Variants in NALCN observed in about 807,000 individuals in gnomAD.
The protein encoded by NALCN is sodium leak channel, non-selective.
NALCN carries 111 observed loss-of-function variants against 225.3 expected under a neutral mutation model. The observed-to-expected ratio is 0.49, with a 90% CI of 0.42 to 0.58. The LOEUF (loss-of-function observed/expected upper bound fraction) is 0.58. Among genes scored for constraint, NALCN ranks in the 20% least tolerant of loss-of-function variants. NALCN has a pLI of 0.00. For synonymous variants in NALCN, 764 were observed against 769.0 expected (o/e 0.99, Z 0.11); for missense variants, 1,378 against 2,202.4 (o/e 0.63, Z 7.49).
chr13:101,242,755 G>T (rs146511115), intron 11 of NALCN, among the ~76,000 whole-genome samples: 1,308 of 105,750 alleles, frequency 0.012, 419 homozygotes, highest in African/African-American at 0.041. Flanking sequence ...AATACAAAGG[G>T]TTTTATGCTC....
intron 15 of NALCN, among the ~76,000 whole-genome samples, chr13:101,172,601 C>T (rs1353292446): frequency 6.6e-6 from 1 of 152,158 alleles, no homozygotes; most frequent in Admixed American, 6.5e-5. Flanking sequence ...GCTCTGTCAC[C>T]CAGGCTGGAG....
intron 16 of NALCN, 77 bp downstream of exon 16, chr13:101,144,682 GA>G: frequency 6.9e-7 from 1 of 1,456,094 alleles, no homozygotes; most frequent in Non-Finnish European, 9.2e-7. Flanking sequence ...ATACTTAAAA[GA>G]AGGGTTAAAT....
At chr13:101,245,708 T>C (rs2041874168) in intron 11 of NALCN, among the ~76,000 whole-genome samples, 1 of 137,036 alleles carries the variant, frequency 7.3e-6, no homozygotes, top group East Asian at 2.0e-4. Context: ...CCTAAGTCCA[T>C]TTCACACTGA....
intron 6 of NALCN, among the ~76,000 whole-genome samples, chr13:101,360,145 T>TC (rs374859323): frequency 0.02 from 2,936 of 148,144 alleles, 119 homozygotes; most frequent in African/African-American, 0.073. Flanking sequence ...TCTTTCTCTC[T>TC]TTTTTTCTTT....
intron 11 of NALCN, among the ~76,000 whole-genome samples, chr13:101,246,210 C>A (rs1342922510): frequency 6.6e-6 from 1 of 152,176 alleles, no homozygotes; most frequent in Non-Finnish European, 1.5e-5. Context: ...TTTAACTAAT[C>A]TCGTAAACAC....
At chr13:101,355,387 G>A (rs2046025390) in intron 6 of NALCN, among the ~76,000 whole-genome samples, 1 of 149,230 alleles carries the variant, frequency 6.7e-6, no homozygotes, top group Admixed American at 6.6e-5. Flanking sequence ...AAAAAAATCA[G>A]GGGTTGCAAT....
chr13:101,255,133 T>C (rs1391519479), intron 11 of NALCN, among the ~76,000 whole-genome samples: 2 of 152,030 alleles, frequency 1.3e-5, no homozygotes, highest in African/African-American at 2.4e-5. Context: ...TGTCTGTCTG[T>C]TGTTGAGGTT....
intron 10 of NALCN, among the ~76,000 whole-genome samples, chr13:101,259,675 T>C (rs994692589): frequency 3.3e-5 from 5 of 149,834 alleles, no homozygotes; most frequent in African/African-American, 9.8e-5. Flanking sequence ...ATTAAACGGT[T>C]ACTATGTTCC....
intron 9 of NALCN, among the ~76,000 whole-genome samples, chr13:101,290,567 A>G (rs2043515669): frequency 6.6e-6 from 1 of 152,192 alleles, no homozygotes; most frequent in Admixed American, 6.5e-5. Flanking sequence ...CCTTTCATGG[A>G]AGTTTGAACA....
At chr13:101,412,993 ATT>A (rs2139564753) in intron 1 of NALCN, among the ~76,000 whole-genome samples, 1 of 152,232 alleles carries the variant, frequency 6.6e-6, no homozygotes, top group East Asian at 1.9e-4. Context: ...TTTTCAGGTG[ATT>A]TTTGTAAAGG....
chr13:101,276,005 A>G lies in NALCN; in HGVS notation c.1134+7928T>C, dbSNP rs571914030. Among the ~76,000 whole-genome samples, 3 of 138,466 alleles carry G rather than the reference A, an allele frequency of 2.2e-5. 1 individual carries two copies. Among genetic ancestry groups the G allele is most frequent in the African/African-American group, 7.9e-5 (3 of 37,988 alleles). 90.8% of individuals were successfully genotyped at this position (138,466 alleles called of 152,430 possible). A position where few individuals can be genotyped will look rare whatever the true frequency, so the allele number is the denominator to read the frequency against. ...CTTGAACCTGGGAGGTAGAGGTTGC[A>G]GTGAGCCGAGATCGCACCAATGCAC... is the stretch of plus-strand genomic sequence containing the variant. On this transcript the variant is annotated intron_variant, in intron 10 of 43. Transcript: ENST00000251127.
chr13:101,144,321 T>C (rs530614246), intron 16 of NALCN, among the ~76,000 whole-genome samples: 1 of 152,328 alleles, frequency 6.6e-6, no homozygotes, highest in Non-Finnish European at 1.5e-5. Flanking sequence ...ATAAACACTG[T>C]AGTAGTACAC....
intron 7 of NALCN, among the ~76,000 whole-genome samples, chr13:101,303,936 C>G (rs193297554): frequency 6.6e-6 from 1 of 152,292 alleles, no homozygotes; most frequent in Admixed American, 6.5e-5. Context: ...ACTAGCTAAA[C>G]TCTAACATGC....
intron 13 of NALCN, among the ~76,000 whole-genome samples, chr13:101,213,102 T>C (rs1052787824): frequency 1.2e-4 from 18 of 152,000 alleles, no homozygotes; most frequent in Admixed American, 7.2e-4. Flanking sequence ...AACAGAGATA[T>C]AGACCAATGG....
At chr13:101,088,241 C>T (rs2034028464) in intron 30 of NALCN, among the ~76,000 whole-genome samples, 1 of 152,102 alleles carries the variant, frequency 6.6e-6, no homozygotes, top group Non-Finnish European at 1.5e-5. Flanking sequence ...ATTAGCCACA[C>T]ATCAAAGGTG....
Position 101,089,522 on chromosome 13 carries a change from TA to T in NALCN, c.3489+140del. On this transcript the variant is annotated intron_variant, in intron 30 of 43. Coordinates refer to ENST00000251127, the MANE Select transcript of NALCN (RefSeq NM_052867.4). The surrounding 1 kb of genome is among the most constrained non-coding windows in gnomAD (Gnocchi z 4.7). ...TGAAAAGCAGCAATGAGGGAGCTTG[TA>T]AAACAGTTATAGAGATTATTTACAC... 1.5e-6 allele frequency: 1 copy of T among 686,580 alleles called. No homozygotes were observed. Among genetic ancestry groups the T allele is most frequent in the Non-Finnish European group, 2.4e-6 (1 of 410,932 alleles). The allele number at this position is 686,580 out of a possible 1,614,324, so 42.5% of individuals were successfully genotyped here.
intron 17 of NALCN, among the ~76,000 whole-genome samples, chr13:101,141,843 CAAAAGA>C (rs2037094870): frequency 6.6e-6 from 1 of 151,754 alleles, no homozygotes; most frequent in African/African-American, 2.4e-5. Context: ...TCACTATAAG[CAAAAGA>C]AAAAGGGCAG....
intron 37 of NALCN, among the ~76,000 whole-genome samples, chr13:101,072,536 T>G (rs2032968021): frequency 6.6e-6 from 1 of 152,200 alleles, no homozygotes. Context: ...ATCCCAGCAT[T>G]CTGCTTGTAT....
intron 6 of NALCN, among the ~76,000 whole-genome samples, chr13:101,368,333 T>A: frequency 6.6e-6 from 1 of 152,106 alleles, no homozygotes. Context: ...GGACATGAAC[T>A]CATCATTTTT....
Sources: allele counts gnomAD v4.1 joint callset (sites outside exome capture counted in the v4.1 genomes callset), GRCh38; gene constraint gnomAD v4.1.1; non-coding constraint Gnocchi (gnomAD v3.1); transcripts MANE v1.5; gene names NCBI Gene and HGNC (gene_info 2026-07-23, HGNC 2026-07-21).